GTF2IRD1: variants seen among roughly 807,000 people sequenced by gnomAD.
GTF2IRD1 encodes the protein general transcription factor II-I repeat domain-containing protein 1.
A neutral mutation model predicts 113.2 loss-of-function variants in GTF2IRD1; 26 were observed. The observed-to-expected ratio is 0.23, with a 90% confidence interval of 0.17 to 0.32. The LOEUF is 0.32. GTF2IRD1 is among the 10% of genes least tolerant of loss of function. GTF2IRD1 has a pLI of 1.00. For missense variants in GTF2IRD1, 864 were observed against 1,280.8 expected, an observed-to-expected ratio of 0.67 and a Z score of 4.97; for synonymous variants, 484 against 529.1, an observed-to-expected ratio of 0.91 and a Z score of 1.17.
chr7:74,454,361 C>A (rs1277509819), intron 1 of GTF2IRD1, among the ~76,000 whole-genome samples, 185 bp downstream of exon 1: 1 of 103,170 alleles, frequency 9.7e-6, no homozygotes, highest in Admixed American at 1.0e-4. Flanking sequence ...ATAATTCGGG[C>A]CCGGGGGGAG....
At chr7:74,550,003 C>T (rs1799208994) in intron 17 of GTF2IRD1, among the ~76,000 whole-genome samples, 1 of 150,500 alleles carries the variant, frequency 6.6e-6, no homozygotes, top group African/African-American at 2.5e-5. Flanking sequence ...CGCCGTTGCA[C>T]TCCAGCCTGG....
intron 15 of GTF2IRD1, 150 bp downstream of exon 15, chr7:74,544,952 G>A: frequency 1.6e-6 from 1 of 626,392 alleles, no homozygotes; most frequent in Non-Finnish European, 2.9e-6. Context: ...AATCCTGTGG[G>A]CTGCCTGATA....
chr7:74,468,460 C>T (rs1793865506), intron 1 of GTF2IRD1, among the ~76,000 whole-genome samples: 1 of 151,412 alleles, frequency 6.6e-6, no homozygotes, highest in African/African-American at 2.4e-5. Flanking sequence ...GAGTTCAAGA[C>T]CAGCCTGGCC....
chr7:74,495,230 C>G (rs1289686241), intron 1 of GTF2IRD1, among the ~76,000 whole-genome samples: 1 of 152,100 alleles, frequency 6.6e-6, no homozygotes. Context: ...TTGGGAAGGG[C>G]GGGACAGGGC....
At chr7:74,568,188 G>A (rs1461083873) in intron 22 of GTF2IRD1, among the ~76,000 whole-genome samples, 2 of 151,822 alleles carry the variant, frequency 1.3e-5, no homozygotes, top group Admixed American at 1.3e-4. Context: ...GGGGGGAATG[G>A]CAAGAAAAGG....
At chr7:74,600,370 G>A (rs1364975345) in intron 25 of GTF2IRD1, among the ~76,000 whole-genome samples, 2 of 151,962 alleles carry the variant, frequency 1.3e-5, no homozygotes, top group South Asian at 2.1e-4. Flanking sequence ...AGTGAGCTAC[G>A]ATTGCACCAT....
chr7:74,556,590 G>A (rs1452472802), intron 19 of GTF2IRD1, among the ~76,000 whole-genome samples: 5 of 148,696 alleles, frequency 3.4e-5, no homozygotes, highest in Non-Finnish European at 7.4e-5. Context: ...CCAAAGTGTT[G>A]GGATTACAGG....
chr7:74,477,771 C>T (rs1256588923), intron 1 of GTF2IRD1, among the ~76,000 whole-genome samples: 1 of 152,104 alleles, frequency 6.6e-6, no homozygotes, highest in Non-Finnish European at 1.5e-5. Flanking sequence ...CTCAGGCGGG[C>T]AGGGCTGGGG....
At chr7:74,593,889 G>A (rs1382892549) in intron 24 of GTF2IRD1, among the ~76,000 whole-genome samples, 2 of 151,516 alleles carry the variant, frequency 1.3e-5, no homozygotes, top group African/African-American at 2.4e-5. Flanking sequence ...GGGCGACAGA[G>A]TAAGATTCTG....
At chr7:74,482,198 TC>T (rs2117123658) in intron 1 of GTF2IRD1, among the ~76,000 whole-genome samples, 2 of 151,020 alleles carry the variant, frequency 1.3e-5, no homozygotes, top group Non-Finnish European at 3.0e-5. Flanking sequence ...TGACTGGGTG[TC>T]CCAATACCTG....
intron 1 of GTF2IRD1, among the ~76,000 whole-genome samples, chr7:74,469,096 A>T (rs1321941537): frequency 6.6e-6 from 1 of 151,866 alleles, no homozygotes; most frequent in Non-Finnish European, 1.5e-5. Context: ...AAAAAAAAAA[A>T]AATATGGAAG....
intron 1 of GTF2IRD1, among the ~76,000 whole-genome samples, chr7:74,494,725 T>A (rs1795557960): frequency 1.3e-5 from 2 of 150,458 alleles, no homozygotes; most frequent in African/African-American, 4.8e-5. Flanking sequence ...CCATTTCTAT[T>A]TAAAAAAAAC....
At chr7:74,534,284 A>C (rs1798147543) in intron 9 of GTF2IRD1, among the ~76,000 whole-genome samples, 1 of 152,160 alleles carries the variant, frequency 6.6e-6, no homozygotes, top group Non-Finnish European at 1.5e-5. Context: ...GGGTTGGCCC[A>C]TGCTTTCCCT....
chr7:74,502,195 T>TC, intron 1 of GTF2IRD1, among the ~76,000 whole-genome samples: 1 of 152,332 alleles, frequency 6.6e-6, no homozygotes, highest in Middle Eastern at 3.4e-3. Flanking sequence ...CACCTTGGCC[T>TC]CCCAGAGTGC....
At chr7:74,461,566 C>T (rs187603432) in intron 1 of GTF2IRD1, among the ~76,000 whole-genome samples, 1 of 152,142 alleles carries the variant, frequency 6.6e-6, no homozygotes, top group Admixed American at 6.5e-5. Flanking sequence ...TGAGAAGGGC[C>T]CACTTTATAT....
chr7:74,591,678 C>T (rs1802073450), intron 24 of GTF2IRD1, among the ~76,000 whole-genome samples: 2 of 151,592 alleles, frequency 1.3e-5, no homozygotes, highest in African/African-American at 4.8e-5. Context: ...CTGCACCCAG[C>T]CTGCATTATT....
At chr7:74,563,711 C>A (rs1475392043) in intron 22 of GTF2IRD1, among the ~76,000 whole-genome samples, 43 of 152,026 alleles carry the variant, frequency 2.8e-4, no homozygotes, top group African/African-American at 9.7e-4. Flanking sequence ...CATAACAAGA[C>A]CCCGTCTCTA....
chr7:74,459,502 AATGGGTGAGGATGTACTTTATCTTAC>A (rs1793222369), intron 1 of GTF2IRD1, among the ~76,000 whole-genome samples: 1 of 151,842 alleles, frequency 6.6e-6, no homozygotes, highest in East Asian at 1.9e-4. Context: ...AGATAGGTGA[AATGGGTGAGGATGTACTTTATCTTAC>A]ACGGTCTTAG....
intron 22 of GTF2IRD1, among the ~76,000 whole-genome samples, chr7:74,577,663 T>C (rs1554364937): frequency 6.6e-6 from 1 of 152,052 alleles, no homozygotes; most frequent in East Asian, 1.9e-4. Context: ...TTTTAATTTT[T>C]TTTTTTTTTA....
Sources: allele counts gnomAD v4.1 joint callset (sites outside exome capture counted in the v4.1 genomes callset), GRCh38; gene constraint gnomAD v4.1.1; transcripts MANE v1.5; gene names NCBI Gene and HGNC (gene_info 2026-07-23, HGNC 2026-07-21).